The following IGF2R variants were observed in gnomAD, a reference collection of about 807,000 sequenced individuals.
IGF2R encodes the protein cation-independent mannose-6-phosphate receptor.
In IGF2R, 91 loss-of-function variants were observed where a neutral mutation model predicts 270.6. The ratio of observed to expected loss-of-function variants is 0.34; its 90% CI spans 0.28 to 0.40. The LOEUF (loss-of-function observed/expected upper bound fraction) is 0.40. Among genes scored for constraint, IGF2R ranks in the 10% least tolerant of loss-of-function variants. The pLI is 1.00. For missense variants in IGF2R, 2,805 were observed against 3,188.3 expected, an observed-to-expected ratio of 0.88 and a Z score of 2.90; for synonymous variants, 1,316 against 1,258.9, an observed-to-expected ratio of 1.05 and a Z score of -0.96.
At position 160,020,130 on chromosome 6, in the gene IGF2R, C is replaced by G. The variant is rs572913303; in HGVS notation, c.514-4442C>G. ...AGTTTCAGGATACAGAGTCATTGTACAAGAATCAATAACATTTCTACACAC... is the reference window on the plus strand; with the variant it reads ...AGTTTCAGGATACAGAGTCATTGTAGAAGAATCAATAACATTTCTACACAC... On this transcript the variant is annotated intron_variant, in intron 4 of 47. Coordinates refer to ENST00000356956, the MANE Select transcript of IGF2R (RefSeq NM_000876.4). Among the ~76,000 whole-genome samples the G allele has an allele frequency of 2.0e-5, 3 of 151,522 alleles. No homozygotes were observed. In the South Asian group the frequency reaches 6.2e-4, roughly 32 times the overall value.
intron 37 of IGF2R, 24 bp from the exon 38 acceptor site, chr6:160,079,556 C>T (rs775836742): frequency 2.9e-5 from 41 of 1,400,958 alleles, no homozygotes; most frequent in Admixed American, 1.4e-4. Context: ...ACTCTGCTGA[C>T]GGCCACGCAT....
chr6:159,999,484 A>G (rs1784097948), intron 2 of IGF2R, among the ~76,000 whole-genome samples: 1 of 152,170 alleles, frequency 6.6e-6, no homozygotes, highest in Admixed American at 6.5e-5. Context: ...CTTTTGTGTG[A>G]GTCATGGGGT....
chr6:159,996,117 G>A, intron 2 of IGF2R, among the ~76,000 whole-genome samples: 1 of 151,948 alleles, frequency 6.6e-6, no homozygotes, highest in Non-Finnish European at 1.5e-5. Flanking sequence ...TGGCCTTTTT[G>A]TGGTAGCTTT....
intron 4 of IGF2R, among the ~76,000 whole-genome samples, chr6:160,020,387 C>A (rs1777405903): frequency 6.6e-6 from 1 of 152,134 alleles, no homozygotes; most frequent in Non-Finnish European, 1.5e-5. Context: ...AAACAATCCA[C>A]AGATTCAATG....
At chr6:159,983,679 G>T (rs1419278407) in intron 1 of IGF2R, among the ~76,000 whole-genome samples, 2 of 152,150 alleles carry the variant, frequency 1.3e-5, no homozygotes, top group East Asian at 3.8e-4. Context: ...TGGGCCTGAT[G>T]GTTTGATTGT....
At chr6:160,010,601 G>A (rs1399665133) in intron 3 of IGF2R, 86 bp from the exon 4 acceptor site, 2 of 835,352 alleles carry the variant, frequency 2.4e-6, no homozygotes, top group Non-Finnish European at 3.9e-6. Flanking sequence ...CTTTATTTTA[G>A]TAGCCTTTAC....
At chr6:159,985,422 T>C (rs766979062) in intron 1 of IGF2R, among the ~76,000 whole-genome samples, 6 of 152,240 alleles carry the variant, frequency 3.9e-5, no homozygotes, top group Admixed American at 1.3e-4. Flanking sequence ...GCTTCAAAGC[T>C]GAGGAACTTG....
At chr6:160,061,177 G>A (rs1302913434) in intron 23 of IGF2R, among the ~76,000 whole-genome samples, 4 of 152,146 alleles carry the variant, frequency 2.6e-5, no homozygotes, top group Non-Finnish European at 5.9e-5. Flanking sequence ...TGGGGGTTTG[G>A]CTTTTTTCTT....
At chr6:160,008,323 C>T (rs1432901060) in intron 2 of IGF2R, among the ~76,000 whole-genome samples, 1 of 152,148 alleles carries the variant, frequency 6.6e-6, no homozygotes, top group East Asian at 1.9e-4. Context: ...TTTCCCTGAC[C>T]TATTACTTCT....
chr6:160,065,888 A>C (rs1355674092), intron 29 of IGF2R, among the ~76,000 whole-genome samples: 1 of 141,736 alleles, frequency 7.1e-6, no homozygotes, highest in Non-Finnish European at 1.5e-5. Flanking sequence ...ACCCAGGCTG[A>C]AGTGCAGTGG....
In IGF2R at chr6:160,107,042, T is replaced by C. The variant is rs911025831; in HGVS notation, c.*1958T>C. 1.3e-5 allele frequency: 2 copies of C among 152,254 alleles called. No homozygotes were observed. The highest frequency in any genetic ancestry group is 4.8e-5 in the African/African-American group (2 of 41,474). 9.4% of individuals were successfully genotyped at this position (152,254 alleles called of 1,614,324 possible). ...CATCCTATTCTCCATCCCTTTTTTT[T>C]TCCTGTAGAGTCCAAAAACCTCAAC... is the stretch of plus-strand genomic sequence containing the variant. On this transcript the variant is annotated 3_prime_UTR_variant, in exon 48 of 48. Transcript: ENST00000356956.
In IGF2R at chr6:160,105,305, G is replaced by A. The variant is rs1446066788; in HGVS notation, c.*221G>A. 1 of 511,544 alleles carries A rather than the reference G, an allele frequency of 2.0e-6. No homozygotes were observed. Among genetic ancestry groups the A allele is most frequent in the East Asian group, 3.2e-5 (1 of 31,312 alleles). 31.7% of individuals were successfully genotyped at this position (511,544 alleles called of 1,614,324 possible). ...AAGGCATGGCTCAGATCGGCCACAG[G>A]GCGGTACCTTGTGCCCAGGGTTTTG... On this transcript the variant is annotated 3_prime_UTR_variant, in exon 48 of 48. Coordinates refer to ENST00000356956, the MANE Select transcript of IGF2R (RefSeq NM_000876.4).
At chr6:160,007,176 A>C (rs1784255512) in intron 2 of IGF2R, 1 of 152,190 alleles carries the variant, frequency 6.6e-6, no homozygotes, top group Non-Finnish European at 1.5e-5. Context: ...TCTGAAGAGC[A>C]TGAGATATTC....
intron 39 of IGF2R, among the ~76,000 whole-genome samples, chr6:160,081,657 C>T (rs778888993): frequency 1.3e-5 from 2 of 152,208 alleles, no homozygotes; most frequent in Non-Finnish European, 2.9e-5. Flanking sequence ...AAGGCAGACA[C>T]CCCTAGAGTG....
chr6:160,042,743 G>A (rs905330358), intron 11 of IGF2R, among the ~76,000 whole-genome samples: 2 of 152,224 alleles, frequency 1.3e-5, no homozygotes, highest in Admixed American at 1.3e-4. Context: ...GCCGAGCGGG[G>A]TGTATTAGCA....
intron 8 of IGF2R, 76 bp from the exon 9 acceptor site, chr6:160,032,866 G>C: frequency 4.3e-6 from 6 of 1,391,950 alleles, no homozygotes; most frequent in Non-Finnish European, 5.9e-6. Flanking sequence ...ATTCAGGTTT[G>C]ACTAAGTAAG....
At chr6:160,029,334 T>G (rs1473162122) in intron 6 of IGF2R, among the ~76,000 whole-genome samples, 1 of 152,134 alleles carries the variant, frequency 6.6e-6, no homozygotes, top group Non-Finnish European at 1.5e-5. Context: ...ATTTGATTTT[T>G]TAACAAAATA....
chr6:160,103,046 C>G (rs1291603607), intron 46 of IGF2R, among the ~76,000 whole-genome samples: 2 of 152,144 alleles, frequency 1.3e-5, no homozygotes, highest in Non-Finnish European at 2.9e-5. Flanking sequence ...CTGCTATGTA[C>G]CAGGTATGAT....
intron 11 of IGF2R, among the ~76,000 whole-genome samples, chr6:160,041,587 T>C (rs1412277154): frequency 1.3e-5 from 2 of 152,110 alleles, no homozygotes; most frequent in African/African-American, 4.8e-5. Context: ...TCCACATGTA[T>C]CTTGTTTTTT....
Sources: gnomAD v4.1 joint callset for allele counts (sites outside exome capture counted in the v4.1 genomes callset) on GRCh38, gnomAD v4.1.1 for gene constraint, MANE v1.5 for transcripts, NCBI Gene and HGNC (gene_info 2026-07-23, HGNC 2026-07-21) for gene names.